Variants in DMD observed in about 807,000 individuals in gnomAD.
DMD encodes the protein dystrophin.
In DMD, 63 loss-of-function variants were observed where a neutral mutation model predicts 330.1. That is an observed-to-expected ratio of 0.19 (90% CI 0.16 to 0.24). The LOEUF (loss-of-function observed/expected upper bound fraction) is 0.24, where lower values mean the gene tolerates loss of function less well. Among genes scored for constraint, DMD ranks in the 10% least tolerant of loss-of-function variants. DMD has a pLI of 1.00. For synonymous variants in DMD, 1,223 were observed against 959.8 expected (o/e 1.27, Z -5.07); for missense variants, 3,344 against 2,684.1 (o/e 1.25, Z -5.43).
At chrX:33,155,635 C>G (rs2048474404) in intron 1 of DMD, among the ~76,000 whole-genome samples, 1 of 110,883 alleles carries the variant, frequency 9.0e-6, no homozygotes. Context: ...AATCCAGATG[C>G]TACCACAGGA....
intron 15 of DMD, among the ~76,000 whole-genome samples, chrX:32,566,255 G>A (rs1236712063): frequency 8.9e-6 from 1 of 111,984 alleles, no homozygotes; most frequent in Non-Finnish European, 1.9e-5. Context: ...CTTAATTCCT[G>A]ACGGAATTCA....
At chrX:31,748,277 A>T (rs1256246645) in intron 51 of DMD, among the ~76,000 whole-genome samples, 3 of 112,108 alleles carry the variant, frequency 2.7e-5, no homozygotes, top group Admixed American at 9.5e-5. Flanking sequence ...GCTAATACAC[A>T]CAAGTAATAA....
intron 74 of DMD, among the ~76,000 whole-genome samples, chrX:31,149,901 G>A (rs1046401101): frequency 1.8e-5 from 2 of 111,461 alleles, no homozygotes; most frequent in South Asian, 7.5e-4. Context: ...ATTTAATTGC[G>A]TTTCAATCAG....
intron 76 of DMD, among the ~76,000 whole-genome samples, chrX:31,138,089 C>T (rs904034264): frequency 7.2e-5 from 8 of 111,638 alleles, no homozygotes; most frequent in Admixed American, 1.9e-4. Context: ...GGAATGTAAG[C>T]GGGCATGACA....
intron 1 of DMD, among the ~76,000 whole-genome samples, chrX:33,165,416 T>C (rs2049001318): frequency 9.0e-6 from 1 of 111,317 alleles, no homozygotes; most frequent in African/African-American, 3.3e-5. Context: ...CTTGAGGAAA[T>C]GTGGGGAGTG....
At chrX:32,009,327 A>G (rs1432155880) in intron 44 of DMD, among the ~76,000 whole-genome samples, 2 of 111,884 alleles carry the variant, frequency 1.8e-5, no homozygotes, top group African/African-American at 6.5e-5. Flanking sequence ...CTTCATTACA[A>G]TCAGTGCGTT....
At chrX:32,525,637 G>A (rs1426964305) in intron 17 of DMD, among the ~76,000 whole-genome samples, 4 of 111,281 alleles carry the variant, frequency 3.6e-5, no homozygotes, top group Non-Finnish European at 5.7e-5. Context: ...TAGTTTTCAT[G>A]TATTTCACTG....
At chrX:32,059,144 G>A (rs1828125780) in intron 44 of DMD, among the ~76,000 whole-genome samples, 1 of 110,523 alleles carries the variant, frequency 9.0e-6, no homozygotes, top group Non-Finnish European at 1.9e-5. Context: ...GGCATGTAGG[G>A]TTAAAAAAAT....
intron 6 of DMD, among the ~76,000 whole-genome samples, chrX:32,809,935 A>G (rs1296864956): frequency 2.3e-4 from 22 of 95,067 alleles, no homozygotes; most frequent in Non-Finnish European, 4.3e-4. Context: ...AAAAAAAAAA[A>G]AAAAAAAAAA....
intron 2 of DMD, among the ~76,000 whole-genome samples, chrX:32,956,016 AC>A (rs1032414293): frequency 5.4e-5 from 6 of 111,326 alleles, no homozygotes; most frequent in African/African-American, 2.0e-4. Flanking sequence ...TGCCTTGGCT[AC>A]TTGGGCTCTT....
intron 7 of DMD, among the ~76,000 whole-genome samples, chrX:32,791,816 T>C (rs2075843287): frequency 9.0e-6 from 1 of 111,721 alleles, no homozygotes; most frequent in South Asian, 3.7e-4. Flanking sequence ...GAAACCCTAT[T>C]TAACAAAATA....
chrX:32,357,190 A>G (rs1470016621), intron 37 of DMD, among the ~76,000 whole-genome samples: 3 of 112,111 alleles, frequency 2.7e-5, no homozygotes, highest in Non-Finnish European at 5.6e-5. Context: ...CACCAGGCCT[A>G]TTATTGGAAT....
At chrX:31,353,569 T>C (rs929156407) in intron 60 of DMD, among the ~76,000 whole-genome samples, 1 of 112,029 alleles carries the variant, frequency 8.9e-6, no homozygotes, top group Non-Finnish European at 1.9e-5. Flanking sequence ...AAGAAGCAAA[T>C]AAACTCTTGG....
At chrX:33,061,948 G>T (rs1236284263) in intron 1 of DMD, among the ~76,000 whole-genome samples, 2 of 111,576 alleles carry the variant, frequency 1.8e-5, no homozygotes, top group South Asian at 3.7e-4. Context: ...ACTTTGCAAA[G>T]CTTAGTTAAT....
intron 9 of DMD, among the ~76,000 whole-genome samples, chrX:32,650,325 A>G (rs1035880334): frequency 8.9e-6 from 1 of 112,076 alleles, no homozygotes; most frequent in African/African-American, 3.2e-5. Flanking sequence ...GAACATTTGC[A>G]AATTTTATCA....
intron 44 of DMD, among the ~76,000 whole-genome samples, chrX:32,026,138 T>C (rs1404861115): frequency 1.8e-5 from 2 of 112,012 alleles, no homozygotes; most frequent in Non-Finnish European, 3.8e-5. Context: ...ATTTATATGA[T>C]AATTACTAGA....
At chrX:32,675,203 A>G (rs893980106) in intron 9 of DMD, among the ~76,000 whole-genome samples, 2 of 111,430 alleles carry the variant, frequency 1.8e-5, no homozygotes, top group African/African-American at 3.3e-5. Flanking sequence ...TTTAGAAAGG[A>G]TGTATTATCT....
At chrX:32,322,234 T>C (rs766589053) in intron 41 of DMD, among the ~76,000 whole-genome samples, 2 of 111,478 alleles carry the variant, frequency 1.8e-5, no homozygotes, top group Non-Finnish European at 3.8e-5. Flanking sequence ...AAGTTATTAA[T>C]ATTAATTGGT....
chrX:31,574,895 T>C (rs1237710529), intron 55 of DMD, among the ~76,000 whole-genome samples: 1 of 112,094 alleles, frequency 8.9e-6, no homozygotes. Flanking sequence ...ACCTTCTCTA[T>C]GAAAATGCTA....
Sources: allele counts gnomAD v4.1 joint callset (sites outside exome capture counted in the v4.1 genomes callset), GRCh38; gene constraint gnomAD v4.1.1; transcripts MANE v1.5; gene names NCBI Gene and HGNC (gene_info 2026-07-23, HGNC 2026-07-21).